The following HPSE2 variants were observed in gnomAD, a reference collection of about 807,000 sequenced individuals.
HPSE2 encodes the protein heparanase 2 (inactive), also known as inactive heparanase-2.
In HPSE2, 38 loss-of-function variants were observed where a neutral mutation model predicts 60.5. The observed-to-expected ratio is 0.63, with a 90% CI of 0.48 to 0.82. The LOEUF is 0.82. HPSE2 is among the 40% of genes least tolerant of loss of function. HPSE2 has a pLI of 0.00. For synonymous variants in HPSE2, 295 were observed against 293.2 expected (o/e 1.01, Z -0.06); for missense variants, 713 against 740.4 (o/e 0.96, Z 0.43).
chr10:98,918,595 C>T (rs934524344), intron 3 of HPSE2, among the ~76,000 whole-genome samples: 3 of 145,710 alleles, frequency 2.1e-5, no homozygotes, highest in South Asian at 2.2e-4. Flanking sequence ...AACCAAACAC[C>T]GCATGTTCTC....
At chr10:98,476,017 T>C (rs1004362050) in intron 11 of HPSE2, among the ~76,000 whole-genome samples, 1 of 151,906 alleles carries the variant, frequency 6.6e-6, no homozygotes, top group African/African-American at 2.4e-5. Flanking sequence ...TAAAGACACA[T>C]GCACACGTAT....
intron 9 of HPSE2, among the ~76,000 whole-genome samples, chr10:98,601,385 C>A (rs2133943579): frequency 6.6e-6 from 1 of 152,260 alleles, no homozygotes; most frequent in South Asian, 2.1e-4. Context: ...CAAATTTGGT[C>A]TCAGCCTCCA....
chr10:98,535,839 C>A (rs1943266667), intron 9 of HPSE2, among the ~76,000 whole-genome samples: 1 of 152,126 alleles, frequency 6.6e-6, no homozygotes, highest in Non-Finnish European at 1.5e-5. Flanking sequence ...GGCTCCGTGC[C>A]TGCCAAACTT....
chr10:99,128,857 T>A (rs79364400), intron 3 of HPSE2, among the ~76,000 whole-genome samples: 1,909 of 152,234 alleles, frequency 0.013, 8 homozygotes, highest in Middle Eastern at 0.027. Context: ...TAATTTCATT[T>A]TTTAAAAAAA....
At chr10:98,529,414 T>C (rs1445827779) in intron 9 of HPSE2, among the ~76,000 whole-genome samples, 1 of 152,210 alleles carries the variant, frequency 6.6e-6, no homozygotes, top group Non-Finnish European at 1.5e-5. Context: ...TAAAGACATG[T>C]AAAAATATAC....
chr10:98,804,232 T>C (rs1285606146), intron 3 of HPSE2, among the ~76,000 whole-genome samples: 2 of 151,984 alleles, frequency 1.3e-5, no homozygotes, highest in Non-Finnish European at 2.9e-5. Context: ...CAAAATTTCT[T>C]AAGCAATACC....
At chr10:98,736,111 G>T (rs1285990999) in intron 4 of HPSE2, among the ~76,000 whole-genome samples, 1 of 152,082 alleles carries the variant, frequency 6.6e-6, no homozygotes, top group African/African-American at 2.4e-5. Flanking sequence ...CCCAGTGGGA[G>T]ATAATTGAAT....
In HPSE2 at chr10:98,939,674, G is replaced by A. The variant is rs1318375580; in HGVS notation, c.611-195618C>T. 1.4e-5 allele frequency among the ~76,000 whole-genome samples: 2 copies of A among 143,320 alleles called. 1 individual carries two copies. The highest frequency in any genetic ancestry group is 5.7e-5 in the African/African-American group (2 of 35,032). 94.0% of individuals were successfully genotyped at this position (143,320 alleles called of 152,430 possible). On this transcript the variant is annotated intron_variant, in intron 3 of 11. Transcript: ENST00000370552. Reference sequence around the variant, plus strand: ...CACTGTCAACATTAGACAGATCAACGAGACAGAAAGTTAACAAGGATACCC... The same window carrying A: ...CACTGTCAACATTAGACAGATCAACAAGACAGAAAGTTAACAAGGATACCC...
intron 4 of HPSE2, among the ~76,000 whole-genome samples, chr10:98,730,418 A>C (rs530369990): frequency 8.5e-5 from 13 of 152,274 alleles, no homozygotes; most frequent in African/African-American, 3.1e-4. Flanking sequence ...TCCTTAAGAA[A>C]GGAAAAAAGA....
intron 3 of HPSE2, among the ~76,000 whole-genome samples, chr10:99,128,279 A>G (rs1317467717): frequency 6.6e-6 from 1 of 152,186 alleles, no homozygotes; most frequent in African/African-American, 2.4e-5. Flanking sequence ...GCAATTCCTT[A>G]AAGACCTAGA....
intron 3 of HPSE2, among the ~76,000 whole-genome samples, chr10:99,139,592 A>C (rs1845790885): frequency 6.6e-6 from 1 of 152,186 alleles, no homozygotes; most frequent in African/African-American, 2.4e-5. Context: ...TTTATTACTT[A>C]TAAAGCACGA....
chr10:99,118,817 G>C (rs915149558), intron 3 of HPSE2, among the ~76,000 whole-genome samples: 6 of 151,972 alleles, frequency 3.9e-5, no homozygotes, highest in Non-Finnish European at 5.9e-5. Context: ...AGGAGTTCAA[G>C]ACCAGCCTGG....
chr10:99,305,979 GCACACA>G, the HPSE2 span, among the ~76,000 whole-genome samples: 19 of 80,578 alleles, frequency 2.4e-4, no homozygotes, highest in Non-Finnish European at 3.3e-4. Context: ...GCGCGCGCGC[GCACACA>G]CACACACACA....
At chr10:99,015,714 T>C (rs1160365202) in intron 3 of HPSE2, among the ~76,000 whole-genome samples, 3 of 152,160 alleles carry the variant, frequency 2.0e-5, no homozygotes, top group Non-Finnish European at 2.9e-5. Context: ...ATATACCTAA[T>C]GTTAAAGGAC....
chr10:98,518,503 C>G (rs1479617751), intron 9 of HPSE2, among the ~76,000 whole-genome samples: 3 of 151,910 alleles, frequency 2.0e-5, no homozygotes, highest in Admixed American at 2.0e-4. Context: ...GTCAGGAATT[C>G]GAGACCAACC....
At chr10:98,743,522 T>C (rs1949553236) in intron 4 of HPSE2, among the ~76,000 whole-genome samples, 1 of 152,222 alleles carries the variant, frequency 6.6e-6, no homozygotes, top group South Asian at 2.1e-4. Context: ...AGAAGGATCA[T>C]CTTGTAGGAC....
chr10:98,981,423 C>A (rs1199695666), intron 3 of HPSE2, among the ~76,000 whole-genome samples: 2 of 152,146 alleles, frequency 1.3e-5, no homozygotes, highest in East Asian at 3.9e-4. Flanking sequence ...AGAGCTTGGA[C>A]AAGTCCCTTA....
At chr10:98,856,119 C>T (rs112865407) in intron 3 of HPSE2, among the ~76,000 whole-genome samples, 4 of 152,142 alleles carry the variant, frequency 2.6e-5, no homozygotes, top group Admixed American at 6.5e-5. Flanking sequence ...GTACACCCAT[C>T]GGCAGACATA....
chr10:98,646,034 C>T (rs976723627), intron 6 of HPSE2, among the ~76,000 whole-genome samples: 1 of 152,156 alleles, frequency 6.6e-6, no homozygotes, highest in African/African-American at 2.4e-5. Context: ...TTATCAATGC[C>T]TAAACCTTTT....
Sources: allele counts gnomAD v4.1 joint callset (sites outside exome capture counted in the v4.1 genomes callset), GRCh38; gene constraint gnomAD v4.1.1; transcripts MANE v1.5; gene names NCBI Gene and HGNC (gene_info 2026-07-23, HGNC 2026-07-21).